The following RIF1 variants were observed in gnomAD, a reference collection of about 807,000 sequenced individuals.
RIF1 encodes replication timing regulatory factor 1, also known as telomere-associated protein RIF1.
RIF1 carries 45 observed loss-of-function variants against 247.1 expected under a neutral mutation model. The ratio of observed to expected loss-of-function variants is 0.18; its 90% CI spans 0.14 to 0.23. The LOEUF (loss-of-function observed/expected upper bound fraction) is 0.23, where lower values mean the gene tolerates loss of function less well. Among genes scored for constraint, RIF1 ranks in the 10% least tolerant of loss-of-function variants. The pLI is 1.00. For missense variants in RIF1, 2,967 were observed against 2,862.5 expected (o/e 1.04, Z -0.83); for synonymous variants, 1,087 against 978.8 (o/e 1.11, Z -2.06).
intron 12 of RIF1, chr2:151,505,526 G>T: frequency 6.2e-7 from 1 of 1,613,794 alleles, no homozygotes; most frequent in Non-Finnish European, 8.5e-7. Flanking sequence ...CTTCAGGCAG[G>T]TCAGGGATTG....
the RIF1 span, chr2:151,516,342 T>C: frequency 3.1e-6 from 2 of 635,830 alleles, no homozygotes; most frequent in South Asian, 2.4e-5. Flanking sequence ...GATCACATGA[T>C]AAAAAGTTTC....
At chr2:151,433,293 A>G in intron 10 of RIF1, 65 bp downstream of exon 10, 2 of 1,302,994 alleles carry the variant, frequency 1.5e-6, no homozygotes, top group South Asian at 1.3e-5. Flanking sequence ...AATTCTTACC[A>G]ATGTAATCCT....
In RIF1 at chr2:151,410,228, G is replaced by T. The variant is rs139201910; in HGVS notation, c.-10-186G>T. 2.6e-3 allele frequency: 1,614 copies of T among 632,016 alleles called. 21 individuals are homozygous for T. The East Asian group carries it at 0.028, about 11-fold the overall frequency. The allele number at this position is 632,016 out of a possible 1,614,324, so 39.2% of individuals were successfully genotyped here. ...GCCCGAATGTGGCGTGGGCTCAGGT[G>T]TCTGGTGTCGGGCGCCGGAGGAGGT... On this transcript the variant is annotated intron_variant, in intron 1 of 35. Coordinates refer to ENST00000444746, the MANE Select transcript of RIF1 (RefSeq NM_018151.5).
At chr2:151,443,122 A>G (rs1033751005) in intron 16 of RIF1, 137 bp from the exon 17 acceptor site, 11 of 615,056 alleles carry the variant, frequency 1.8e-5, no homozygotes, top group Admixed American at 9.8e-5. Flanking sequence ...TTTTACTAAC[A>G]TGGTTGTCAT....
Position 151,460,076 on chromosome 2 carries a change from CACAA to C in RIF1, c.3038_3041del (p.Thr1013ArgfsTer7), listed in dbSNP as rs1292623700. 2 of 1,571,174 alleles carry C rather than the reference CACAA, an allele frequency of 1.3e-6. No homozygotes were observed. On this transcript the variant is annotated frameshift_variant, in exon 26 of 36. Coordinates refer to ENST00000444746, the MANE Select transcript of RIF1 (RefSeq NM_018151.5). LOFTEE classifies it high-confidence loss of function. ...AATGGAAAAAGAGATTCATTTTTGGCACAAACAAAGAATAAAAAAGAAAATATGA... is the reference window on the plus strand; with the variant it reads ...AATGGAAAAAGAGATTCATTTTTGGCACAAAGAATAAAAAAGAAAATATGA...
intron 9 of RIF1, among the ~76,000 whole-genome samples, chr2:151,429,948 A>G (rs1234000727): frequency 6.6e-6 from 1 of 152,158 alleles, no homozygotes. Context: ...TTTCCTGCCA[A>G]AGACCATTAT....
chr2:151,431,642 A>G lies in RIF1; in HGVS notation c.926-1435A>G, dbSNP rs574492781. On this transcript the variant is annotated intron_variant, in intron 9 of 35. Coordinates refer to ENST00000444746, the MANE Select transcript of RIF1 (RefSeq NM_018151.5). Reference sequence around the variant, plus strand: ...ATCTTTACTAAAAATACAAAGTTGGACGGGCATGGTGGCACATGCCTGTAA... The same window carrying G: ...ATCTTTACTAAAAATACAAAGTTGGGCGGGCATGGTGGCACATGCCTGTAA... Among the ~76,000 whole-genome samples the G allele has an allele frequency of 2.0e-5, 3 of 152,226 alleles. No individual in the cohort carries two copies. The South Asian group carries it at 6.2e-4, about 32-fold the overall frequency.
the RIF1 span, among the ~76,000 whole-genome samples, chr2:151,530,187 C>T: frequency 6.6e-6 from 1 of 152,262 alleles, no homozygotes; most frequent in Non-Finnish European, 1.5e-5. Context: ...AGCAATCATT[C>T]TGCCTTTTAA....
chr2:151,526,469 G>A, the RIF1 span, among the ~76,000 whole-genome samples: 2 of 152,102 alleles, frequency 1.3e-5, no homozygotes, highest in African/African-American at 2.4e-5. Flanking sequence ...AATGGATCTC[G>A]TGATGAATCT....
intron 10 of RIF1, among the ~76,000 whole-genome samples, chr2:151,434,491 G>C (rs765275644): frequency 9.1e-5 from 13 of 143,250 alleles, no homozygotes; most frequent in Non-Finnish European, 1.8e-4. Flanking sequence ...CCCAGGCTAG[G>C]GTGCAGTGGC....
chr2:151,462,858 A>G (rs749095325), intron 29 of RIF1, 26 bp from the exon 30 acceptor site: 3 of 1,456,154 alleles, frequency 2.1e-6, no homozygotes, highest in Non-Finnish European at 2.8e-6. Context: ...CTGTGTGTGT[A>G]TATATATGTA....
intron 15 of RIF1, among the ~76,000 whole-genome samples, chr2:151,440,346 T>C (rs752984119): frequency 3.9e-5 from 6 of 152,212 alleles, no homozygotes; most frequent in Non-Finnish European, 8.8e-5. Flanking sequence ...GTCTTCAACG[T>C]GGTAAGAAAA....
chr2:151,468,390 T>C, intron 31 of RIF1, 84 bp from the exon 32 acceptor site: 1 of 1,130,388 alleles, frequency 8.8e-7, no homozygotes, highest in South Asian at 1.3e-5. Flanking sequence ...TTTAAAGAAA[T>C]GATTGCAGTC....
intron 21 of RIF1, among the ~76,000 whole-genome samples, chr2:151,452,551 A>G (rs1053188216): frequency 6.6e-6 from 1 of 152,216 alleles, no homozygotes; most frequent in South Asian, 2.1e-4. Flanking sequence ...ATGGAGTAAC[A>G]TGTTAAGCTC....
chr2:151,450,608 C>T (rs1347254683), intron 20 of RIF1, among the ~76,000 whole-genome samples: 4 of 150,220 alleles, frequency 2.7e-5, no homozygotes, highest in Non-Finnish European at 5.9e-5. Context: ...TTTTTTTTGA[C>T]GGAGCCTCGC....
At chr2:151,422,097 T>G (rs1688284567) in intron 7 of RIF1, among the ~76,000 whole-genome samples, 1 of 152,154 alleles carries the variant, frequency 6.6e-6, no homozygotes, top group South Asian at 2.1e-4. Context: ...CCCAAAGTGC[T>G]GAGATTGCAG....
chr2:151,424,992 C>T (rs2432949), intron 8 of RIF1, among the ~76,000 whole-genome samples: 1 of 151,990 alleles, frequency 6.6e-6, no homozygotes, highest in Admixed American at 6.6e-5. Flanking sequence ...CCAAACTCTT[C>T]TGTAGCAGCT....
chr2:151,503,010 A>T, intron 11 of RIF1: 1 of 633,060 alleles, frequency 1.6e-6, no homozygotes, highest in Non-Finnish European at 2.7e-6. Context: ...TTTAGTAAGG[A>T]TAATGTTTTT....
rs2049057929 is a variant in RIF1, at chr2:151,478,973, A to G, written c.*3902A>G. 1 of 152,200 alleles carries G rather than the reference A, an allele frequency of 6.6e-6. No homozygotes were observed. Among genetic ancestry groups the G allele is most frequent in the Admixed American group, 6.5e-5 (1 of 15,272 alleles). The allele number at this position is 152,200 out of a possible 1,614,324, so 9.4% of individuals were successfully genotyped here. Reference sequence around the variant, plus strand: ...AAGACCTTGTACTTTGTATAGAAACATTAGAGTGAGGTTTTGATTTTTAAC... The same window carrying G: ...AAGACCTTGTACTTTGTATAGAAACGTTAGAGTGAGGTTTTGATTTTTAAC... On this transcript the variant is annotated 3_prime_UTR_variant, in exon 36 of 36. Transcript: ENST00000444746.
Sources: gnomAD v4.1 joint callset for allele counts (sites outside exome capture counted in the v4.1 genomes callset) on GRCh38, gnomAD v4.1.1 for gene constraint, MANE v1.5 for transcripts, NCBI Gene and HGNC (gene_info 2026-07-23, HGNC 2026-07-21) for gene names.